Variants in LIPN observed in about 807,000 individuals in gnomAD.
LIPN encodes lipase member N.
A neutral mutation model predicts 43.7 loss-of-function variants in LIPN; 32 were observed. That is an observed-to-expected ratio of 0.73 (90% CI 0.55 to 0.98). The LOEUF (loss-of-function observed/expected upper bound fraction) is 0.98, where lower values mean the gene tolerates loss of function less well. Among genes scored for constraint, LIPN ranks in the 50% least tolerant of loss-of-function variants. The pLI is 0.00. For synonymous variants in LIPN, 156 were observed against 157.6 expected (o/e 0.99, Z 0.08); for missense variants, 505 against 483.8 (o/e 1.04, Z -0.41).
At chr10:88,771,099 C>T in intron 7 of LIPN, 108 bp downstream of exon 7, 2 of 940,378 alleles carry the variant, frequency 2.1e-6, no homozygotes, top group East Asian at 2.7e-5. Context: ...GTATTCCAAA[C>T]CCTTAAAGAC....
rs1843060749 is a variant in LIPN, at chr10:88,764,610, T to C, written c.425+2T>C. 2.5e-6 allele frequency: 4 copies of C among 1,586,162 alleles called. No homozygotes were observed. Among genetic ancestry groups the C allele is most frequent in the Non-Finnish European group, 3.4e-6 (4 of 1,165,050 alleles). On this transcript the variant is annotated splice_donor_variant, in intron 4 of 9. Transcript: ENST00000404459. LOFTEE classifies it high-confidence loss of function. ...AGATGAGAAATTCTGGGCCTTTAGGTAAATATTAGCTAAGAAAACTCAAGG... is the reference window on the plus strand; with the variant it reads ...AGATGAGAAATTCTGGGCCTTTAGGCAAATATTAGCTAAGAAAACTCAAGG...
At position 88,766,294 on chromosome 10, in the gene LIPN, C is replaced by A. The variant is rs758114514; in HGVS notation, c.451C>A (p.Leu151Ile). 10 of 1,603,800 alleles carry A rather than the reference C, an allele frequency of 6.2e-6. No individual in the cohort carries two copies. In the Admixed American group the frequency reaches 1.5e-4, roughly 24 times the overall value. ...TTTTGATGAAATGGCCAAATATGAT[C>A]TCCCAGGAGTAATAGACTTCATTGT... ...FSFDEMAKYDLPGVIDFIVNK... is the reference protein window; with the variant it reads ...FSFDEMAKYDIPGVIDFIVNK... The change falls in exon 5 of 10, where the codon CTC becomes ATC. Residue 151 changes from leucine (L) to isoleucine (I), a missense_variant. Physicochemically the swap from Leu to Ile is conservative, Grantham distance 5. Transcript: ENST00000404459.
chr10:88,767,581 GA>G lies in LIPN; in HGVS notation c.535+1206del, dbSNP rs924728761. Among the ~76,000 whole-genome samples, 145 of 127,336 alleles carry G rather than the reference GA, an allele frequency of 1.1e-3. 3 individuals carry two copies. The highest frequency in any genetic ancestry group is 1.5e-3 in the Admixed American group (17 of 11,338). 83.5% of individuals were successfully genotyped at this position (127,336 alleles called of 152,430 possible). The stretch of plus-strand genomic sequence containing the variant: ...TCCGGAGAAATGGTGTAGAGAAGAA[GA>G]AATGACTTTAGTTGGTTTTGGAAAG... On this transcript the variant is annotated intron_variant, in intron 5 of 9. Transcript: ENST00000404459.
Position 88,768,987 on chromosome 10 carries a change from T to C in LIPN, c.672+59T>C, listed in dbSNP as rs760225920. 856 of 1,488,574 alleles carry C rather than the reference T, an allele frequency of 5.8e-4. 3 individuals are homozygous for C. Among genetic ancestry groups the C allele is most frequent in the Admixed American group, 9.5e-4 (51 of 53,856 alleles). The allele number at this position is 1,488,574 out of a possible 1,614,324, so 92.2% of individuals were successfully genotyped here. A position where few individuals can be genotyped will look rare whatever the true frequency, so the allele number is the denominator to read the frequency against. On this transcript the variant is annotated intron_variant, in intron 6 of 9. Transcript: ENST00000404459. ...CTCATTTTGGATCATAAATCCTTAT[T>C]ATTTTCAAATCTACTGTAAAGTAAA... is the stretch of plus-strand genomic sequence containing the variant.
chr10:88,762,248 G>A lies in LIPN; in HGVS notation c.169G>A (p.Gly57Arg). 1 of 1,609,712 alleles carries A rather than the reference G, an allele frequency of 6.2e-7. No homozygotes were observed. The highest frequency in any genetic ancestry group is 8.5e-7 in the Non-Finnish European group (1 of 1,177,924). ...SEEYEVTTED[G>R]YILLVNRIPY... ...AGAGTATGAAGTCACCACTGAAGAT[G>A]GGTATATACTCCTTGTCAACAGAAT... The change falls in exon 3 of 10, where the codon GGG becomes AGG. Residue 57 changes from glycine to arginine, a missense_variant. Gly to Arg is a moderately radical substitution (Grantham distance 125). Transcript: ENST00000404459.
At chr10:88,766,210 C>A in intron 4 of LIPN, 59 bp from the exon 5 acceptor site, 1 of 815,904 alleles carries the variant, frequency 1.2e-6, no homozygotes, top group Non-Finnish European at 2.1e-6. Flanking sequence ...TGAGCAAGTG[C>A]TCTGAGTTTT....
chr10:88,776,886 C>T (rs995687194), intron 9 of LIPN, among the ~76,000 whole-genome samples: 5 of 151,914 alleles, frequency 3.3e-5, no homozygotes, highest in Admixed American at 1.3e-4. Context: ...GGTCCTGTGC[C>T]CTTGATCCCA....
intron 5 of LIPN, among the ~76,000 whole-genome samples, chr10:88,768,015 T>TACACACATACACACACACACAC (rs1370426410): frequency 2.6e-4 from 37 of 140,978 alleles, no homozygotes; most frequent in African/African-American, 9.4e-4. Flanking sequence ...AGTGTTTCAG[T>TACACACATACACACACACACAC]ACACACACAC....
At chr10:88,774,306 A>T (rs975885640) in intron 7 of LIPN, among the ~76,000 whole-genome samples, 167 bp from the exon 8 acceptor site, 1 of 151,998 alleles carries the variant, frequency 6.6e-6, no homozygotes, top group African/African-American at 2.4e-5. Context: ...CTTGTGGTTC[A>T]CTCACATTAA....
chr10:88,774,493 G>A lies in LIPN; in HGVS notation c.840G>A (p.Met280Ile). ...NMNQSRMDVY[M>I]SHAPTGSSVH... Reference sequence around the variant, plus strand: ...TTTAGAGTCGAATGGATGTGTATATGTCACATGCTCCCACTGGTTCATCAG... The same window carrying A: ...TTTAGAGTCGAATGGATGTGTATATATCACATGCTCCCACTGGTTCATCAG... Residue 280 changes from methionine to isoleucine, a missense_variant, in exon 8 of 10, where the codon ATG becomes ATA. Physicochemically the swap from Met to Ile is conservative, Grantham distance 10. Transcript: ENST00000404459. 1.2e-6 allele frequency: 2 copies of A among 1,610,402 alleles called. No homozygotes were observed. The highest frequency in any genetic ancestry group is 1.1e-5 in the South Asian group (1 of 90,968).
intron 6 of LIPN, 124 bp downstream of exon 6, chr10:88,769,052 G>A (rs570770296): frequency 1.3e-4 from 118 of 931,626 alleles, no homozygotes; most frequent in Non-Finnish European, 1.8e-4. Flanking sequence ...CTTAGACTCT[G>A]TGGGTATGTG....
intron 4 of LIPN, among the ~76,000 whole-genome samples, chr10:88,765,504 G>A (rs1348449265): frequency 6.6e-6 from 1 of 152,018 alleles, no homozygotes; most frequent in Non-Finnish European, 1.5e-5. Context: ...ATTCTTGTAA[G>A]TCCCAATCTA....
In LIPN at chr10:88,761,510, T is replaced by C. The variant is rs1480471696; in HGVS notation, c.105T>C (p.Asn35=). 4.4e-6 allele frequency: 7 copies of C among 1,602,098 alleles called. No homozygotes were observed. In the African/African-American group the frequency reaches 5.4e-5, roughly 12 times the overall value. Residue 35 remains asparagine (N), a synonymous_variant, in exon 2 of 10, where the codon AAT becomes AAC. Coordinates refer to ENST00000404459, the MANE Select transcript of LIPN (RefSeq NM_001102469.2). ...ENEVNPEVWM[N]TSEIIIYNGY... Reference sequence around the variant, plus strand: ...AAGTGAATCCTGAGGTGTGGATGAATACTGTAAGTCATGGAAAACTGTGAA... The same window carrying C: ...AAGTGAATCCTGAGGTGTGGATGAACACTGTAAGTCATGGAAAACTGTGAA...
At chr10:88,764,948 C>T (rs1422113593) in intron 4 of LIPN, among the ~76,000 whole-genome samples, 1 of 151,132 alleles carries the variant, frequency 6.6e-6, no homozygotes, top group African/African-American at 2.4e-5. Flanking sequence ...CTGTTCTAGG[C>T]CCCGAACATT....
intron 2 of LIPN, among the ~76,000 whole-genome samples, chr10:88,761,727 C>CTATCTATT (rs1431856300): frequency 1.3e-4 from 7 of 55,296 alleles, no homozygotes; most frequent in Non-Finnish European, 1.9e-4. Context: ...TGCTATCTAT[C>CTATCTATT]TATCTATCTA....
At chr10:88,761,586 G>C in intron 2 of LIPN, 73 bp downstream of exon 2, 1 of 985,918 alleles carries the variant, frequency 1.0e-6, no homozygotes, top group Admixed American at 2.1e-5. Flanking sequence ...GAAAGGTCCT[G>C]TTGTAACAGA....
upstream of LIPN, among the ~76,000 whole-genome samples, chr10:88,757,729 G>A (rs1842944246): frequency 6.6e-6 from 1 of 152,098 alleles, no homozygotes; most frequent in Non-Finnish European, 1.5e-5. Context: ...TTCGCTTTGA[G>A]TAAAGAGATG....
At chr10:88,776,671 T>G (rs1400903197) in intron 9 of LIPN, among the ~76,000 whole-genome samples, 1 of 152,126 alleles carries the variant, frequency 6.6e-6, no homozygotes, top group Non-Finnish European at 1.5e-5. Context: ...GTAAGCTCCA[T>G]GAGGGTAGGG....
chr10:88,776,296 C>T lies in LIPN; in HGVS notation c.963+1133C>T, dbSNP rs566463350. Among the ~76,000 whole-genome samples, 17 of 152,126 alleles carry T rather than the reference C, an allele frequency of 1.1e-4. No homozygotes were observed. In the South Asian group the frequency reaches 3.3e-3, roughly 30 times the overall value. On this transcript the variant is annotated intron_variant, in intron 9 of 9. Coordinates refer to ENST00000404459, the MANE Select transcript of LIPN (RefSeq NM_001102469.2). The stretch of plus-strand genomic sequence containing the variant: ...AGAAAAGAAGTGGATGGACATGAAA[C>T]AGTAAAGGACCCTCATTTTGGACTT...
Sources: gnomAD v4.1 joint callset for allele counts (sites outside exome capture counted in the v4.1 genomes callset) on GRCh38, gnomAD v4.1.1 for gene constraint, MANE v1.5 for transcripts, NCBI Gene and HGNC (gene_info 2026-07-23, HGNC 2026-07-21) for gene names.